Variants in DOCK9 observed in about 807,000 individuals in gnomAD.
The protein encoded by DOCK9 is dedicator of cytokinesis protein 9.
A neutral mutation model predicts 263.3 loss-of-function variants in DOCK9; 89 were observed. The ratio of observed to expected loss-of-function variants is 0.34; its 90% CI spans 0.28 to 0.40. The LOEUF is 0.40. Ranked by LOEUF, DOCK9 falls within the 10% of genes least tolerant of loss-of-function variation. The pLI is 1.00. For missense variants in DOCK9, 2,140 were observed against 2,603.4 expected (o/e 0.82, Z 3.87); for synonymous variants, 976 against 973.1 (o/e 1.00, Z -0.06).
Position 98,881,623 on chromosome 13 carries a change from T to A in DOCK9, c.2680A>T (p.Ile894Phe). ...EEVAVNVTRV[I>F]IHVVAQCHEE... Reference sequence around the variant, plus strand: ...TGGCACTGGGCAACCACATGAATAATGACCCTACACACCACAGGAGTGAAT... The same window carrying A: ...TGGCACTGGGCAACCACATGAATAAAGACCCTACACACCACAGGAGTGAAT... The change falls in exon 25 of 53, where the codon ATT (isoleucine) becomes TTT (phenylalanine). Residue 894 changes from isoleucine to phenylalanine, a missense_variant. Ile to Phe is a conservative substitution (Grantham distance 21). Around this residue, in one of 2 missense-constraint regions of DOCK9, gnomAD observed 1,521 missense variants for 1,741.7 expected, o/e 0.87. Transcript: ENST00000682017. The A allele has an allele frequency of 6.2e-7, 1 of 1,607,996 alleles. No homozygotes were observed. Among genetic ancestry groups the A allele is most frequent in the Non-Finnish European group, 8.5e-7 (1 of 1,177,276 alleles).
chr13:99,041,181 G>A (rs1210303652), intron 1 of DOCK9, among the ~76,000 whole-genome samples: 1 of 152,112 alleles, frequency 6.6e-6, no homozygotes, highest in South Asian at 2.1e-4. Context: ...ACACTCTCCT[G>A]TATTTTTAAA....
Position 98,821,778 on chromosome 13 carries a change from C to A in DOCK9, c.5130+2620G>T, listed in dbSNP as rs74967223. Among the ~76,000 whole-genome samples the A allele has an allele frequency of 3.1e-3, 469 of 152,316 alleles. 17 individuals are homozygous for A. The East Asian group carries it at 0.08, about 26-fold the overall frequency. ...GTGCCAATAAAAACTCATCTGAGAC[C>A]TGCTGCTAAGAGAATTGAGTATTTT... On this transcript the variant is annotated intron_variant, in intron 45 of 52. Transcript: ENST00000682017.
intron 1 of DOCK9, among the ~76,000 whole-genome samples, chr13:99,011,810 A>G (rs909002003): frequency 2.0e-5 from 3 of 152,206 alleles, no homozygotes; most frequent in Admixed American, 6.5e-5. Flanking sequence ...CTCCAGTATC[A>G]GCATTCTTTT....
chr13:98,947,106 A>C (rs559026258), intron 2 of DOCK9, among the ~76,000 whole-genome samples: 1 of 152,276 alleles, frequency 6.6e-6, no homozygotes, highest in East Asian at 1.9e-4. Context: ...ACAGCACTTG[A>C]GTGTTCCACT....
intron 27 of DOCK9, among the ~76,000 whole-genome samples, chr13:98,871,556 A>G (rs1231066646): frequency 6.6e-6 from 1 of 152,234 alleles, no homozygotes; most frequent in East Asian, 1.9e-4. Flanking sequence ...GGTAATGAAG[A>G]CCTAAGCAAT....
intron 33 of DOCK9, chr13:98,859,709 T>C (rs2093799105): frequency 6.7e-6 from 1 of 148,702 alleles, no homozygotes; most frequent in African/African-American, 2.5e-5. Context: ...CCTGTGACAA[T>C]TCTTGGAGGA....
intron 1 of DOCK9, among the ~76,000 whole-genome samples, chr13:99,060,268 G>A (rs1002557782): frequency 5.3e-5 from 8 of 151,500 alleles, no homozygotes; most frequent in South Asian, 2.1e-4. Context: ...TAGTAGAGAC[G>A]GGGTTTCACC....
At position 98,905,227 on chromosome 13, in the gene DOCK9, G is replaced by A. The variant is rs200934781; in HGVS notation, c.961-521C>T. On this transcript the variant is annotated intron_variant, in intron 9 of 52. Coordinates refer to ENST00000682017, the MANE Select transcript of DOCK9 (RefSeq NM_001366683.2). ...AGAGAAAATGATGGCTGATCTTGAAGGACAAGATGCTAATTAATTCAATAA... is the reference window on the plus strand; with the variant it reads ...AGAGAAAATGATGGCTGATCTTGAAAGACAAGATGCTAATTAATTCAATAA... Among the ~76,000 whole-genome samples the A allele has an allele frequency of 4.6e-5, 7 of 152,198 alleles. No individual in the cohort carries two copies. In the East Asian group the frequency reaches 1.2e-3, roughly 25 times the overall value.
At chr13:98,864,873 T>C (rs1193747761) in intron 30 of DOCK9, among the ~76,000 whole-genome samples, 1 of 151,956 alleles carries the variant, frequency 6.6e-6, no homozygotes, top group Non-Finnish European at 1.5e-5. Flanking sequence ...TCATGCGAGA[T>C]CTGGTTGTTT....
At chr13:98,883,186 G>A in intron 22 of DOCK9, 55 bp from the exon 23 acceptor site, 1 of 1,399,554 alleles carries the variant, frequency 7.1e-7, no homozygotes, top group South Asian at 1.3e-5. Context: ...ACACGCTGTG[G>A]AAATAGAAGC....
At chr13:99,072,955 C>T (rs138736930) in intron 1 of DOCK9, among the ~76,000 whole-genome samples, 1,627 of 152,222 alleles carry the variant, frequency 0.011, 14 homozygotes, top group Non-Finnish European at 0.015. Context: ...GCCAAAATCA[C>T]ACCACTGCAC....
chr13:99,015,638 C>G (rs906292408), intron 1 of DOCK9: 4 of 1,572,312 alleles, frequency 2.5e-6, no homozygotes, highest in Middle Eastern at 1.7e-4. Context: ...AGTTTTTTAG[C>G]AATCTCTACT....
intron 1 of DOCK9, among the ~76,000 whole-genome samples, chr13:99,068,538 C>T (rs1214973925): frequency 6.6e-6 from 1 of 152,098 alleles, no homozygotes; most frequent in African/African-American, 2.4e-5. Context: ...GCCCAGATCG[C>T]GCCCTGCACT....
exon 1 of DOCK9, chr13:99,086,476 TC>T (rs927623215): frequency 5.1e-5 from 28 of 554,220 alleles, no homozygotes; most frequent in Non-Finnish European, 6.1e-5. Flanking sequence ...CGCCGCCTGC[TC>T]CCCCCGCTGC....
chr13:99,047,863 G>A (rs7984397), intron 1 of DOCK9, among the ~76,000 whole-genome samples: 96,649 of 151,830 alleles, frequency 0.64, 31,249 homozygotes, highest in East Asian at 0.9. Context: ...ACCTTTCCAG[G>A]AAAGTGTCCC....
At chr13:99,075,440 C>A (rs1366288118) in intron 1 of DOCK9, among the ~76,000 whole-genome samples, 2 of 148,524 alleles carry the variant, frequency 1.3e-5, no homozygotes, top group Non-Finnish European at 3.0e-5. Flanking sequence ...GCAGCCATGA[C>A]TTCCTGGACT....
chr13:98,883,228 ATGT>A (rs368231464), intron 22 of DOCK9, 97 bp from the exon 23 acceptor site: 651 of 1,072,158 alleles, frequency 6.1e-4, no homozygotes, highest in Middle Eastern at 9.1e-4. Flanking sequence ...TTTTTGCTGT[ATGT>A]TGTTGTTGTT....
intron 45 of DOCK9, among the ~76,000 whole-genome samples, chr13:98,823,905 C>T (rs540989176): frequency 6.6e-6 from 1 of 152,124 alleles, no homozygotes; most frequent in East Asian, 1.9e-4. Context: ...ATAGGACCTG[C>T]GCCACAGCAC....
intron 45 of DOCK9, among the ~76,000 whole-genome samples, chr13:98,824,131 G>A (rs550964052): frequency 1.2e-3 from 186 of 152,294 alleles, no homozygotes; most frequent in African/African-American, 4.0e-3. Flanking sequence ...AACTTTTACC[G>A]GATGTGCTCA....
Sources: allele counts gnomAD v4.1 joint callset (sites outside exome capture counted in the v4.1 genomes callset), GRCh38; gene constraint gnomAD v4.1.1; regional missense constraint gnomAD v4.1.1; transcripts MANE v1.5; gene names NCBI Gene and HGNC (gene_info 2026-07-23, HGNC 2026-07-21).